HHAT: variants seen among roughly 807,000 people sequenced by gnomAD.
The protein encoded by HHAT is hedgehog acyltransferase.
In HHAT, 47 loss-of-function variants were observed where a neutral mutation model predicts 70.8. That is an observed-to-expected ratio of 0.66 (90% CI 0.53 to 0.85). HHAT has a LOEUF of 0.85. HHAT is among the 40% of genes least tolerant of loss of function. The pLI is 0.00. For synonymous variants in HHAT, 228 were observed against 247.6 expected (o/e 0.92, Z 0.74); for missense variants, 609 against 604.8 (o/e 1.01, Z -0.07).
intron 8 of HHAT, among the ~76,000 whole-genome samples, chr1:210,467,016 G>A (rs1289937146): frequency 6.6e-6 from 1 of 152,190 alleles, no homozygotes; most frequent in Non-Finnish European, 1.5e-5. Context: ...TCTAAAAAGA[G>A]GTGTTTCTGA....
chr1:210,587,253 G>C (rs1184532961), intron 9 of HHAT, among the ~76,000 whole-genome samples: 1 of 152,146 alleles, frequency 6.6e-6, no homozygotes, highest in Non-Finnish European at 1.5e-5. Flanking sequence ...ACATGGCTGG[G>C]GAGGCCTCAC....
At chr1:210,588,959 T>G (rs1661081716) in intron 10 of HHAT, 1 of 152,256 alleles carries the variant, frequency 6.6e-6, no homozygotes, top group African/African-American at 2.4e-5. Context: ...TTTAAGTGAT[T>G]TTAAACTATG....
chr1:210,547,467 A>G (rs1246354467), intron 9 of HHAT, among the ~76,000 whole-genome samples: 1 of 152,258 alleles, frequency 6.6e-6, no homozygotes, highest in African/African-American at 2.4e-5. Context: ...ACAGAAGCAT[A>G]TGGAATCCCG....
At chr1:210,576,677 TTGAAAAAA>T (rs1328050118) in intron 9 of HHAT, among the ~76,000 whole-genome samples, 1 of 152,070 alleles carries the variant, frequency 6.6e-6, no homozygotes, top group Non-Finnish European at 1.5e-5. Flanking sequence ...AATAATAACA[TTGAAAAAA>T]AGAAAAAAAG....
At chr1:210,653,045 T>C (rs2148938615) in intron 11 of HHAT, among the ~76,000 whole-genome samples, 1 of 152,278 alleles carries the variant, frequency 6.6e-6, no homozygotes, top group African/African-American at 2.4e-5. Context: ...GACATAAATG[T>C]CCACTGGAGG....
intron 1 of HHAT, among the ~76,000 whole-genome samples, chr1:210,347,665 G>C (rs75544061): frequency 0.027 from 4,061 of 152,246 alleles, 77 homozygotes; most frequent in Middle Eastern, 0.071. Context: ...GAGAGATCTA[G>C]AATAGGAGAG....
chr1:210,671,351 G>T (rs919439168), intron 11 of HHAT, among the ~76,000 whole-genome samples: 1 of 152,192 alleles, frequency 6.6e-6, no homozygotes, highest in Non-Finnish European at 1.5e-5. Context: ...CCTGGCATCT[G>T]TGCCTGAGCC....
At chr1:210,493,090 A>G (rs991242768) in intron 8 of HHAT, among the ~76,000 whole-genome samples, 2 of 151,954 alleles carry the variant, frequency 1.3e-5, no homozygotes, top group African/African-American at 4.8e-5. Flanking sequence ...CCATCTGAAT[A>G]TTTGTTTTCC....
intron 5 of HHAT, among the ~76,000 whole-genome samples, chr1:210,403,093 A>G (rs1276339622): frequency 6.6e-6 from 1 of 152,238 alleles, no homozygotes; most frequent in Non-Finnish European, 1.5e-5. Context: ...TAGCATTTTG[A>G]AAGTTCAAGT....
At chr1:210,566,498 TACCCATATAA>T (rs1654781016) in intron 9 of HHAT, among the ~76,000 whole-genome samples, 1 of 152,040 alleles carries the variant, frequency 6.6e-6, no homozygotes, top group African/African-American at 2.4e-5. Context: ...CCCTATCCTG[TACCCATATAA>T]ACCCCAAACC....
intron 11 of HHAT, among the ~76,000 whole-genome samples, chr1:210,660,756 C>T (rs1677514154): frequency 6.6e-6 from 1 of 152,142 alleles, no homozygotes; most frequent in Admixed American, 6.5e-5. Flanking sequence ...TCAGAAATAA[C>T]ACCACACATC....
intron 6 of HHAT, among the ~76,000 whole-genome samples, chr1:210,411,444 G>C (rs1404503781): frequency 1.3e-5 from 2 of 152,188 alleles, no homozygotes; most frequent in South Asian, 2.1e-4. Context: ...TCAGCTAGAA[G>C]ACTTGCTTCT....
intron 11 of HHAT, among the ~76,000 whole-genome samples, chr1:210,664,491 C>T (rs1486796564): frequency 6.6e-6 from 1 of 152,188 alleles, no homozygotes; most frequent in African/African-American, 2.4e-5. Flanking sequence ...AGTGCCAGGG[C>T]AGGGCCAGTG....
chr1:210,514,129 T>C (rs1208532281), intron 9 of HHAT, among the ~76,000 whole-genome samples: 1 of 152,196 alleles, frequency 6.6e-6, no homozygotes, highest in Non-Finnish European at 1.5e-5. Flanking sequence ...ACATCACCTT[T>C]ATCCCCACCA....
At chr1:210,418,347 A>G (rs1376774564) in intron 7 of HHAT, 22 bp downstream of exon 7, 8 of 1,560,612 alleles carry the variant, frequency 5.1e-6, no homozygotes, top group African/African-American at 2.7e-5. Flanking sequence ...AATCACCAAC[A>G]GTGGGATGAG....
chr1:210,455,511 A>G (rs765716993), intron 7 of HHAT, among the ~76,000 whole-genome samples: 3 of 151,816 alleles, frequency 2.0e-5, no homozygotes, highest in Non-Finnish European at 4.4e-5. Context: ...TCAGCTTCAC[A>G]CAGGCTCTGT....
At chr1:210,607,078 C>T (rs1214424679) in intron 10 of HHAT, among the ~76,000 whole-genome samples, 3 of 152,110 alleles carry the variant, frequency 2.0e-5, no homozygotes, top group East Asian at 1.9e-4. Context: ...ATGTTTATTA[C>T]CCAGATTTTT....
chr1:210,671,932 C>T (rs571292497), intron 11 of HHAT, among the ~76,000 whole-genome samples: 14 of 152,290 alleles, frequency 9.2e-5, no homozygotes, highest in African/African-American at 2.4e-4. Flanking sequence ...CAGGCTAAGG[C>T]GCAAGGAAGA....
intron 3 of HHAT, among the ~76,000 whole-genome samples, chr1:210,376,624 T>G (rs946483077): frequency 6.6e-6 from 1 of 152,200 alleles, no homozygotes; most frequent in Non-Finnish European, 1.5e-5. Context: ...CTCGTTCTTC[T>G]CTGTCTCTAT....
Sources: allele counts gnomAD v4.1 joint callset (sites outside exome capture counted in the v4.1 genomes callset), GRCh38; gene constraint gnomAD v4.1.1; transcripts MANE v1.5; gene names NCBI Gene and HGNC (gene_info 2026-07-23, HGNC 2026-07-21).